The following ACTR3C variants were observed in gnomAD, a reference collection of about 807,000 sequenced individuals.
ACTR3C encodes actin related protein 3C, also known as actin-related protein 3C.
In ACTR3C, 18 loss-of-function variants were observed where a neutral mutation model predicts 26.3. The observed-to-expected ratio is 0.68, with a 90% CI of 0.47 to 1.01. The LOEUF is 1.01. ACTR3C is among the 50% of genes least tolerant of loss of function. The pLI, the probability that ACTR3C is intolerant of heterozygous loss-of-function variation, is 0.00. For synonymous variants in ACTR3C, 55 were observed against 94.5 expected (o/e 0.58, Z 2.42); for missense variants, 184 against 250.7 (o/e 0.73, Z 1.80).
the ACTR3C span, among the ~76,000 whole-genome samples, chr7:150,079,145 G>A: frequency 7.9e-5 from 12 of 152,152 alleles, no homozygotes; most frequent in Admixed American, 2.6e-4. Context: ...AGGATTCTGG[G>A]AGTGCCAGGT....
the ACTR3C span, among the ~76,000 whole-genome samples, chr7:150,120,674 A>T: frequency 6.6e-6 from 1 of 152,202 alleles, no homozygotes; most frequent in Non-Finnish European, 1.5e-5. Context: ...AGGAGCTGGT[A>T]CCATTCCTTC....
chr7:149,940,983 C>G, the ACTR3C span, among the ~76,000 whole-genome samples: 1 of 152,022 alleles, frequency 6.6e-6, no homozygotes, highest in Admixed American at 6.6e-5. Context: ...ATGACACCAT[C>G]CTTGGTTTTC....
At chr7:149,987,194 G>GAAAAA in the ACTR3C span, among the ~76,000 whole-genome samples, 1 of 150,414 alleles carries the variant, frequency 6.6e-6, no homozygotes. Context: ...CCTACCAGAG[G>GAAAAA]AAAAAAAAAT....
chr7:150,205,594 A>G, the ACTR3C span, among the ~76,000 whole-genome samples: 10 of 152,146 alleles, frequency 6.6e-5, no homozygotes, highest in East Asian at 1.9e-3. Context: ...AAAGCAAGAT[A>G]CAATACAGTA....
At chr7:150,207,936 T>C in the ACTR3C span, among the ~76,000 whole-genome samples, 3 of 152,060 alleles carry the variant, frequency 2.0e-5, no homozygotes, top group African/African-American at 4.8e-5. Flanking sequence ...AAAAGGTATG[T>C]ACTAACAAAT....
chr7:150,067,434 T>G, the ACTR3C span, among the ~76,000 whole-genome samples: 1 of 152,172 alleles, frequency 6.6e-6, no homozygotes, highest in Admixed American at 6.5e-5. Context: ...ATAAGCCAAG[T>G]ATGTTTATAT....
chr7:150,073,037 C>T, the ACTR3C span, among the ~76,000 whole-genome samples: 3 of 152,136 alleles, frequency 2.0e-5, no homozygotes, highest in East Asian at 1.9e-4. Context: ...TATTTAATGC[C>T]GCCCCCTCCC....
the ACTR3C span, among the ~76,000 whole-genome samples, chr7:150,152,855 G>A: frequency 6.6e-6 from 1 of 152,038 alleles, no homozygotes; most frequent in Non-Finnish European, 1.5e-5. Flanking sequence ...ACTTCTTCCT[G>A]GTTTAGTCTT....
chr7:150,006,220 GGA>G, the ACTR3C span, among the ~76,000 whole-genome samples: 1 of 83,208 alleles, frequency 1.2e-5, no homozygotes, highest in Non-Finnish European at 2.3e-5. Flanking sequence ...ATTTTGAGAA[GGA>G]GTCTTACTCT....
chr7:150,256,727 A>G (rs1313336632), intron 6 of ACTR3C, among the ~76,000 whole-genome samples: 1 of 151,900 alleles, frequency 6.6e-6, no homozygotes, highest in Non-Finnish European at 1.5e-5. Context: ...ATACATGAAC[A>G]AAACTGTGCA....
the ACTR3C span, among the ~76,000 whole-genome samples, chr7:150,109,919 G>A: frequency 6.9e-6 from 1 of 145,600 alleles, no homozygotes; most frequent in Non-Finnish European, 1.5e-5. Flanking sequence ...ATGTGGACAG[G>A]TCACCTACCC....
chr7:150,004,509 C>A, the ACTR3C span: 1 of 152,050 alleles, frequency 6.6e-6, no homozygotes, highest in Non-Finnish European at 1.5e-5. Context: ...TCAATGCATG[C>A]CCAAACTAGG....
At chr7:150,047,422 C>A in the ACTR3C span, among the ~76,000 whole-genome samples, 3 of 152,138 alleles carry the variant, frequency 2.0e-5, no homozygotes. Flanking sequence ...AGACACAGAC[C>A]CGCTCCCTCC....
the ACTR3C span, among the ~76,000 whole-genome samples, chr7:150,125,442 T>A: frequency 1.9e-4 from 28 of 149,540 alleles, no homozygotes; most frequent in African/African-American, 6.2e-4. Flanking sequence ...TAGAAAATCT[T>A]TGTAGGCTTA....
chr7:150,125,557 T>G, the ACTR3C span, among the ~76,000 whole-genome samples: 3 of 151,940 alleles, frequency 2.0e-5, no homozygotes, highest in Admixed American at 2.0e-4. Flanking sequence ...CTTTCATAAG[T>G]GAAATAATTT....
At chr7:150,251,227 C>T (rs112416504) in intron 6 of ACTR3C, among the ~76,000 whole-genome samples, 6,639 of 152,266 alleles carry the variant, frequency 0.044, 327 homozygotes, top group East Asian at 0.12. Context: ...GTCCCTAACT[C>T]TCCTGCCAAA....
the ACTR3C span, among the ~76,000 whole-genome samples, chr7:149,956,909 T>G: frequency 6.6e-6 from 1 of 152,174 alleles, no homozygotes; most frequent in Non-Finnish European, 1.5e-5. Context: ...TTAAATTTTG[T>G]GGGGCACTTT....
At chr7:150,318,501 C>T (rs1427908849) in intron 1 of ACTR3C, among the ~76,000 whole-genome samples, 5 of 152,158 alleles carry the variant, frequency 3.3e-5, no homozygotes, top group South Asian at 2.1e-4. Flanking sequence ...CGGTGGCTCA[C>T]GCCTGTAATC....
chr7:150,316,873 A>AG (rs945635194), intron 1 of ACTR3C, among the ~76,000 whole-genome samples: 1 of 152,166 alleles, frequency 6.6e-6, no homozygotes, highest in African/African-American at 2.4e-5. Context: ...GATATCTTTT[A>AG]GATATTTAGT....
Sources: gnomAD v4.1 joint callset for allele counts (sites outside exome capture counted in the v4.1 genomes callset) on GRCh38, gnomAD v4.1.1 for gene constraint, MANE v1.5 for transcripts, NCBI Gene and HGNC (gene_info 2026-07-23, HGNC 2026-07-21) for gene names.